Variants in C1orf21 observed in about 807,000 individuals in gnomAD.
The protein encoded by C1orf21 is chromosome 1 open reading frame 21.
In C1orf21, 3 loss-of-function variants were observed where a neutral mutation model predicts 18.7. The observed-to-expected ratio is 0.16, with a 90% CI of 0.07 to 0.42. The LOEUF (loss-of-function observed/expected upper bound fraction) is 0.42, where lower values mean the gene tolerates loss of function less well. Among genes scored for constraint, C1orf21 ranks in the 10% least tolerant of loss-of-function variants. The pLI is 0.99. For synonymous variants in C1orf21, 41 were observed against 46.4 expected, an observed-to-expected ratio of 0.88 and a Z score of 0.47; for missense variants, 104 against 143.6, an observed-to-expected ratio of 0.72 and a Z score of 1.41.
intron 2 of C1orf21, among the ~76,000 whole-genome samples, chr1:184,480,122 G>C (rs1657632515): frequency 6.6e-6 from 1 of 152,148 alleles, no homozygotes; most frequent in Admixed American, 6.5e-5. Flanking sequence ...TAACAGTCAG[G>C]GGATAGATGC....
intron 5 of C1orf21, among the ~76,000 whole-genome samples, chr1:184,615,247 G>A (rs923176060): frequency 6.6e-6 from 1 of 152,162 alleles, no homozygotes; most frequent in African/African-American, 2.4e-5. Flanking sequence ...AGAAGACGTG[G>A]AAGCCTCTAC....
chr1:184,514,773 A>C (rs1658198892), intron 3 of C1orf21, among the ~76,000 whole-genome samples: 1 of 152,244 alleles, frequency 6.6e-6, no homozygotes, highest in South Asian at 2.1e-4. Flanking sequence ...TATATTATAC[A>C]AGGCAGCAAT....
chr1:184,434,426 A>T (rs1431059417), intron 1 of C1orf21, among the ~76,000 whole-genome samples: 2 of 152,224 alleles, frequency 1.3e-5, no homozygotes, highest in Admixed American at 6.5e-5. Context: ...CACCAAGTGC[A>T]TGCTAGGCAC....
chr1:184,397,451 T>C (rs1342489368), intron 1 of C1orf21, among the ~76,000 whole-genome samples: 2 of 152,076 alleles, frequency 1.3e-5, no homozygotes, highest in African/African-American at 2.4e-5. Flanking sequence ...CCAGGTGTGG[T>C]GGCGGGCGCC....
At chr1:184,561,106 T>G (rs904884758) in intron 3 of C1orf21, among the ~76,000 whole-genome samples, 1 of 152,340 alleles carries the variant, frequency 6.6e-6, no homozygotes, top group Non-Finnish European at 1.5e-5. Flanking sequence ...CAAGATCATC[T>G]TGACAAGGGC....
chr1:184,479,613 C>G (rs1034950351), intron 2 of C1orf21, among the ~76,000 whole-genome samples: 1 of 62,214 alleles, frequency 1.6e-5, no homozygotes, highest in Non-Finnish European at 2.9e-5. Context: ...TCCCATAGGT[C>G]TTTTTTTTTT....
At chr1:184,548,744 G>A (rs960184090) in intron 3 of C1orf21, among the ~76,000 whole-genome samples, 2 of 152,174 alleles carry the variant, frequency 1.3e-5, no homozygotes, top group Non-Finnish European at 2.9e-5. Flanking sequence ...AGGAACTAAA[G>A]TATTCAGCAA....
At chr1:184,534,758 A>C (rs1483231317) in intron 3 of C1orf21, among the ~76,000 whole-genome samples, 1 of 152,198 alleles carries the variant, frequency 6.6e-6, no homozygotes, top group East Asian at 1.9e-4. Context: ...TGAATAAATA[A>C]AATGCAGTTG....
chr1:184,598,551 C>T, intron 5 of C1orf21, 90 bp downstream of exon 5: 2 of 1,246,330 alleles, frequency 1.6e-6, no homozygotes, highest in East Asian at 5.0e-5. Context: ...GTTTCTATGT[C>T]ATAAAGCTAT....
chr1:184,582,783 G>A (rs968884008), intron 3 of C1orf21, among the ~76,000 whole-genome samples: 3 of 152,168 alleles, frequency 2.0e-5, no homozygotes, highest in African/African-American at 7.2e-5. Flanking sequence ...CATGGGTGTT[G>A]TTCCCTTTAG....
intron 1 of C1orf21, among the ~76,000 whole-genome samples, chr1:184,423,228 G>A (rs1182616391): frequency 6.6e-6 from 1 of 152,210 alleles, no homozygotes; most frequent in Non-Finnish European, 1.5e-5. Flanking sequence ...CAGAAATAAA[G>A]ATTCCTTCCT....
rs1400633467 is a variant in C1orf21 at position 184,623,355 on chromosome 1, T to G, written c.*3799T>G. 1 of 152,096 alleles carries G rather than the reference T, an allele frequency of 6.6e-6. No homozygotes were observed. The highest frequency in any genetic ancestry group is 1.9e-4 in the East Asian group (1 of 5,184). The allele number at this position is 152,096 out of a possible 1,614,324, so 9.4% of individuals were successfully genotyped here. Reference sequence around the variant, plus strand: ...AAAGTTCTCTCCTTCCTGCCTCCCCTAAAGAAAAAGGATATTAGATTGCAC... The same window carrying G: ...AAAGTTCTCTCCTTCCTGCCTCCCCGAAAGAAAAAGGATATTAGATTGCAC... On this transcript the variant is annotated 3_prime_UTR_variant, in exon 6 of 6. Coordinates refer to ENST00000235307, the MANE Select transcript of C1orf21 (RefSeq NM_030806.4).
intron 2 of C1orf21, among the ~76,000 whole-genome samples, chr1:184,488,870 C>T (rs201404315): frequency 9.9e-5 from 15 of 152,224 alleles, no homozygotes; most frequent in East Asian, 7.7e-4. Flanking sequence ...GAGGCTGAGG[C>T]GGGAGAATTG....
chr1:184,424,033 T>C (rs1463086837), intron 1 of C1orf21, among the ~76,000 whole-genome samples: 3 of 152,204 alleles, frequency 2.0e-5, no homozygotes, highest in Non-Finnish European at 4.4e-5. Context: ...TATTGAATAA[T>C]TATTATTGTT....
chr1:184,401,289 C>A (rs549586759), intron 1 of C1orf21, among the ~76,000 whole-genome samples: 2 of 152,094 alleles, frequency 1.3e-5, no homozygotes, highest in Admixed American at 6.6e-5. Context: ...GGCACCATCT[C>A]GGCTCACTGC....
intron 3 of C1orf21, among the ~76,000 whole-genome samples, chr1:184,563,097 A>T (rs184923795): frequency 2.1e-4 from 32 of 152,286 alleles, no homozygotes; most frequent in African/African-American, 7.5e-4. Flanking sequence ...TAGAGCTAAG[A>T]TTTCCTGATT....
At chr1:184,570,122 A>G (rs554282324) in intron 3 of C1orf21, among the ~76,000 whole-genome samples, 5 of 152,198 alleles carry the variant, frequency 3.3e-5, no homozygotes, top group Admixed American at 6.5e-5. Flanking sequence ...CAAATTTTAT[A>G]CTATATTAAA....
At chr1:184,619,435 A>G in intron 5 of C1orf21, 83 bp from the exon 6 acceptor site, 1 of 1,445,254 alleles carries the variant, frequency 6.9e-7, no homozygotes, top group East Asian at 2.3e-5. Flanking sequence ...ACATATATTG[A>G]GAGAAAATTG....
At chr1:184,462,015 A>T (rs569311714) in intron 1 of C1orf21, among the ~76,000 whole-genome samples, 1 of 152,318 alleles carries the variant, frequency 6.6e-6, no homozygotes, top group East Asian at 1.9e-4. Context: ...GGATGAGCTG[A>T]TAAACCAAAC....
Sources: gnomAD v4.1 joint callset for allele counts (sites outside exome capture counted in the v4.1 genomes callset) on GRCh38, gnomAD v4.1.1 for gene constraint, MANE v1.5 for transcripts, NCBI Gene and HGNC (gene_info 2026-07-23, HGNC 2026-07-21) for gene names.